STK39: variants seen among roughly 807,000 people sequenced by gnomAD.
The protein encoded by STK39 is serine/threonine kinase 39.
STK39 carries 20 observed loss-of-function variants against 77.8 expected under a neutral mutation model. The observed-to-expected ratio is 0.26, with a 90% CI of 0.18 to 0.37. STK39 has a LOEUF of 0.37. Among genes scored for constraint, STK39 ranks in the 10% least tolerant of loss-of-function variants. The pLI, the probability that STK39 is intolerant of heterozygous loss-of-function variation, is 1.00. For synonymous variants in STK39, 246 were observed against 234.1 expected (o/e 1.05, Z -0.47); for missense variants, 479 against 656.5 (o/e 0.73, Z 2.95).
Position 168,008,696 on chromosome 2 carries a change from C to T in STK39, c.1498+3938G>A, listed in dbSNP as rs1338264630. ...AAGAGAAGAGATCTAAGGAAAGGGT[C>T]CTTGGACACATCAAGATTTATAGGT... On this transcript the variant is annotated intron_variant, in intron 16 of 17. Transcript: ENST00000355999. Among the ~76,000 whole-genome samples, 7 of 151,910 alleles carry T rather than the reference C, an allele frequency of 4.6e-5. No individual in the cohort carries two copies. The East Asian group carries it at 1.4e-3, about 29-fold the overall frequency.
intron 2 of STK39, among the ~76,000 whole-genome samples, chr2:168,168,739 C>G (rs976224662): frequency 3.9e-5 from 6 of 152,128 alleles, no homozygotes; most frequent in African/African-American, 1.4e-4. Flanking sequence ...ACATGTAATC[C>G]CAACACTTTG....
chr2:168,025,592 T>C (rs770981301), intron 14 of STK39, among the ~76,000 whole-genome samples: 2 of 152,184 alleles, frequency 1.3e-5, no homozygotes, highest in Middle Eastern at 3.2e-3. Flanking sequence ...GCTAAAGACA[T>C]ACAACAGCAG....
chr2:168,076,054 T>A (rs1257175547), intron 10 of STK39, among the ~76,000 whole-genome samples: 1 of 152,196 alleles, frequency 6.6e-6, no homozygotes, highest in Admixed American at 6.5e-5. Flanking sequence ...GAGACCAAAG[T>A]AATTTGCTTA....
At chr2:168,158,583 T>G (rs1276980638) in intron 5 of STK39, among the ~76,000 whole-genome samples, 1 of 152,184 alleles carries the variant, frequency 6.6e-6, no homozygotes, top group African/African-American at 2.4e-5. Context: ...AATCCAGATT[T>G]AAGGTCCTCC....
chr2:168,006,884 T>C (rs963564995), intron 16 of STK39, among the ~76,000 whole-genome samples: 2 of 152,254 alleles, frequency 1.3e-5, no homozygotes, highest in African/African-American at 2.4e-5. Flanking sequence ...GTCACTATAC[T>C]GGCCCTTCTT....
intron 10 of STK39, among the ~76,000 whole-genome samples, chr2:168,092,375 T>C (rs1686547354): frequency 6.6e-6 from 1 of 152,210 alleles, no homozygotes; most frequent in South Asian, 2.1e-4. Context: ...ATAAATTCTA[T>C]CTTGTTAATT....
At chr2:168,230,198 C>T (rs1348476573) in intron 1 of STK39, among the ~76,000 whole-genome samples, 2 of 152,122 alleles carry the variant, frequency 1.3e-5, no homozygotes, top group African/African-American at 2.4e-5. Context: ...GGGATTTTAC[C>T]ACTCCTCCCA....
chr2:167,969,077 T>C (rs1692246684), intron 16 of STK39, among the ~76,000 whole-genome samples: 1 of 152,200 alleles, frequency 6.6e-6, no homozygotes, highest in South Asian at 2.1e-4. Context: ...CACAAGGCCA[T>C]GCATTGGTCA....
intron 2 of STK39, among the ~76,000 whole-genome samples, chr2:168,181,283 C>A (rs1412591098): frequency 6.6e-6 from 1 of 152,146 alleles, no homozygotes; most frequent in Non-Finnish European, 1.5e-5. Context: ...AACCCTCAAA[C>A]CCTTCACAGT....
At chr2:168,037,931 T>G (rs1249830138) in intron 14 of STK39, among the ~76,000 whole-genome samples, 1 of 152,118 alleles carries the variant, frequency 6.6e-6, no homozygotes, top group African/African-American at 2.4e-5. Flanking sequence ...ACAGAAGCTG[T>G]GCTGTAATGA....
intron 16 of STK39, among the ~76,000 whole-genome samples, chr2:168,011,255 C>T (rs1241265400): frequency 6.6e-6 from 1 of 152,014 alleles, no homozygotes; most frequent in East Asian, 1.9e-4. Context: ...GCCGAGATTA[C>T]ACCACTGCAC....
At chr2:168,127,924 A>G (rs1687587314) in intron 10 of STK39, among the ~76,000 whole-genome samples, 2 of 152,144 alleles carry the variant, frequency 1.3e-5, no homozygotes, top group East Asian at 1.9e-4. Flanking sequence ...AAGACAAGGT[A>G]GGGAAGGAGG....
chr2:167,995,556 T>C (rs961767869), intron 16 of STK39, among the ~76,000 whole-genome samples: 1 of 152,196 alleles, frequency 6.6e-6, no homozygotes, highest in Middle Eastern at 3.4e-3. Context: ...AGTTTATACC[T>C]AAGAATGTGA....
chr2:168,245,355 G>A (rs970208784), intron 1 of STK39, among the ~76,000 whole-genome samples: 1 of 152,136 alleles, frequency 6.6e-6, no homozygotes, highest in African/African-American at 2.4e-5. Context: ...AACAACTTAG[G>A]GCAGGGATCA....
At chr2:168,172,673 A>G (rs1287642958) in intron 2 of STK39, among the ~76,000 whole-genome samples, 1 of 152,238 alleles carries the variant, frequency 6.6e-6, no homozygotes, top group Non-Finnish European at 1.5e-5. Context: ...ACTGAAAGGG[A>G]AGAGTTTAAA....
chr2:168,161,765 T>TTTTTC, intron 5 of STK39, 22 bp downstream of exon 5: 1 of 1,585,798 alleles, frequency 6.3e-7, no homozygotes, highest in Non-Finnish European at 8.6e-7. Context: ...AAGTAAAAAA[T>TTTTTC]TTTTCTATTT....
At chr2:168,207,997 T>TA (rs1222400478) in intron 1 of STK39, among the ~76,000 whole-genome samples, 1 of 152,156 alleles carries the variant, frequency 6.6e-6, no homozygotes, top group East Asian at 1.9e-4. Flanking sequence ...ACCAAGGCAG[T>TA]AAAACCCACA....
At chr2:167,965,398 C>A (rs1692128382) in intron 16 of STK39, among the ~76,000 whole-genome samples, 1 of 152,188 alleles carries the variant, frequency 6.6e-6, no homozygotes, top group Non-Finnish European at 1.5e-5. Context: ...CTCAGTGCTG[C>A]AGATATGTTT....
intron 10 of STK39, among the ~76,000 whole-genome samples, chr2:168,089,293 A>C (rs1686453716): frequency 6.6e-6 from 1 of 152,248 alleles, no homozygotes; most frequent in African/African-American, 2.4e-5. Flanking sequence ...GTTTTGCATC[A>C]TTTGAATTTT....
Sources: gnomAD v4.1 joint callset for allele counts (sites outside exome capture counted in the v4.1 genomes callset) on GRCh38, gnomAD v4.1.1 for gene constraint, MANE v1.5 for transcripts, NCBI Gene and HGNC (gene_info 2026-07-23, HGNC 2026-07-21) for gene names.